MCCC1: variants seen among roughly 807,000 people sequenced by gnomAD.
MCCC1 encodes the protein methylcrotonoyl-CoA carboxylase subunit alpha, mitochondrial.
In MCCC1, 64 loss-of-function variants were observed where a neutral mutation model predicts 83.8. The observed-to-expected ratio is 0.76, with a 90% CI of 0.62 to 0.94. MCCC1 has a LOEUF of 0.94. Ranked by LOEUF, MCCC1 falls within the 40% of genes least tolerant of loss-of-function variation. The pLI, the probability that MCCC1 is intolerant of heterozygous loss-of-function variation, is 0.00. For synonymous variants in MCCC1, 322 were observed against 315.4 expected (o/e 1.02, Z -0.22); for missense variants, 807 against 904.7 (o/e 0.89, Z 1.39).
chr3:183,028,452 T>G (rs545120202), intron 14 of MCCC1, among the ~76,000 whole-genome samples: 4 of 152,196 alleles, frequency 2.6e-5, no homozygotes, highest in African/African-American at 9.7e-5. Flanking sequence ...TTTCAAGTCT[T>G]ATTAAGAAAT....
At chr3:183,077,907 C>T (rs1454408986) in intron 4 of MCCC1, among the ~76,000 whole-genome samples, 2 of 152,086 alleles carry the variant, frequency 1.3e-5, no homozygotes, top group Admixed American at 1.3e-4. Context: ...ACTTTAGCAC[C>T]TTTATTCAAA....
chr3:183,059,504 T>C (rs1478233568), intron 7 of MCCC1, among the ~76,000 whole-genome samples: 2 of 152,226 alleles, frequency 1.3e-5, no homozygotes, highest in Non-Finnish European at 2.9e-5. Context: ...GCCATTATTT[T>C]AAACAAACTG....
At position 183,064,734 on chromosome 3, in the gene MCCC1, C is replaced by A. The variant is rs1419758166; in HGVS notation, c.761+6265G>T. 6.6e-6 allele frequency among the ~76,000 whole-genome samples: 1 copy of A among 152,218 alleles called. No individual in the cohort carries two copies. On this transcript the variant is annotated intron_variant, in intron 7 of 18. Coordinates refer to ENST00000265594, the MANE Select transcript of MCCC1 (RefSeq NM_020166.5). The surrounding 1 kb of genome is among the most constrained non-coding windows in gnomAD (Gnocchi z 4.5). Reference sequence around the variant, plus strand: ...GCAGGCTGTTCGCGGGCAGCCGGCTCCGTGGACAGCAGGGCGAAGCGGGTA... The same window carrying A: ...GCAGGCTGTTCGCGGGCAGCCGGCTACGTGGACAGCAGGGCGAAGCGGGTA...
At chr3:183,083,169 C>CT (rs1321988203) in intron 4 of MCCC1, among the ~76,000 whole-genome samples, 4 of 152,174 alleles carry the variant, frequency 2.6e-5, no homozygotes, top group African/African-American at 9.7e-5. Context: ...TCTTTCAAAT[C>CT]ACTATACAAG....
chr3:183,104,750 T>TA (rs1719380117), intron 1 of MCCC1, among the ~76,000 whole-genome samples: 1 of 152,178 alleles, frequency 6.6e-6, no homozygotes, highest in South Asian at 2.1e-4. Flanking sequence ...ACAATAATAA[T>TA]ACACCATACT....
At chr3:183,104,161 C>T (rs952544833), upstream of MCCC1, among the ~76,000 whole-genome samples, 1 of 152,260 alleles carries the variant, frequency 6.6e-6, no homozygotes, top group Non-Finnish European at 1.5e-5. Flanking sequence ...AGGGAGCCAG[C>T]TCCGGCCTTG....
At chr3:183,076,543 G>A (rs564548140) in intron 4 of MCCC1, among the ~76,000 whole-genome samples, 1 of 152,218 alleles carries the variant, frequency 6.6e-6, no homozygotes, top group South Asian at 2.1e-4. Context: ...GAGTGCAATT[G>A]TTTGGTCCTA....
upstream of MCCC1, among the ~76,000 whole-genome samples, chr3:183,101,845 A>C (rs1002944398): frequency 6.6e-6 from 1 of 152,060 alleles, no homozygotes; most frequent in Non-Finnish European, 1.5e-5. Context: ...GAGCCCAGCG[A>C]GACCACGAGC....
Position 183,020,228 on chromosome 3 carries a change from T to C in MCCC1, c.1879A>G (p.Ile627Val). Residue 627 changes from isoleucine (I) to valine (V), a missense_variant, in exon 17 of 19, where the codon ATT (isoleucine) becomes GTT (valine). By Grantham distance (29) the Ile-to-Val change is conservative. Transcript: ENST00000265594. ...TIYLFSKEGSIEIDIPVPKYL... is the reference protein window; with the variant it reads ...TIYLFSKEGSVEIDIPVPKYL... Reference sequence around the variant, plus strand: ...TTGGGGACTGGAATGTCAATCTCAATACTTCCTTCCTAGAAACAGAAAACA... The same window carrying C: ...TTGGGGACTGGAATGTCAATCTCAACACTTCCTTCCTAGAAACAGAAAACA... The C allele has an allele frequency of 6.2e-7, 1 of 1,613,270 alleles. No homozygotes were observed. Among genetic ancestry groups the C allele is most frequent in the South Asian group, 1.1e-5 (1 of 91,060 alleles).
At chr3:183,078,702 G>A (rs1717263949) in intron 4 of MCCC1, among the ~76,000 whole-genome samples, 1 of 152,150 alleles carries the variant, frequency 6.6e-6, no homozygotes, top group African/African-American at 2.4e-5. Context: ...AACAGATTCT[G>A]AATTTGATGG....
At chr3:183,036,506 A>G (rs1713601518) in intron 13 of MCCC1, among the ~76,000 whole-genome samples, 1 of 151,458 alleles carries the variant, frequency 6.6e-6, no homozygotes, top group Non-Finnish European at 1.5e-5. Flanking sequence ...TGTGGGGAGA[A>G]CAAGTGTTTG....
chr3:183,072,442 C>G lies in MCCC1; in HGVS notation c.415G>C (p.Ala139Pro). The G allele has an allele frequency of 1.2e-6, 2 of 1,613,896 alleles. No individual in the cohort carries two copies. The highest frequency in any genetic ancestry group is 1.7e-6 in the Non-Finnish European group (2 of 1,179,830). ...ATTCCTTCTTGCTTACAAAGTTCAG[C>G]AAATTCCATGTTTTCTGAGAGAAAA... ...CGFLSENMEF[A>P]ELCKQEGIIF... Residue 139 changes from alanine to proline, a missense_variant, in exon 5 of 19, where the codon GCT (alanine) becomes CCT (proline). Transcript: ENST00000265594.
At chr3:183,053,455 T>G (rs1021705075) in intron 8 of MCCC1, among the ~76,000 whole-genome samples, 10 of 152,176 alleles carry the variant, frequency 6.6e-5, no homozygotes, top group Admixed American at 3.3e-4. Context: ...GCCACTGCAC[T>G]CTAGCCTGGG....
At chr3:183,092,667 C>G (rs1052528974) in intron 2 of MCCC1, 122 bp from the exon 3 acceptor site, 11 of 1,271,410 alleles carry the variant, frequency 8.7e-6, no homozygotes, top group Admixed American at 4.1e-5. Context: ...TTTGGTAAAA[C>G]TAGCATAACT....
chr3:183,026,171 T>C (rs1273476591), intron 14 of MCCC1, among the ~76,000 whole-genome samples: 1 of 152,110 alleles, frequency 6.6e-6, no homozygotes, highest in Non-Finnish European at 1.5e-5. Context: ...GCCTCCCAAG[T>C]AGCTGGGACT....
intron 14 of MCCC1, among the ~76,000 whole-genome samples, chr3:183,026,826 G>C (rs1279295695): frequency 6.6e-6 from 1 of 152,160 alleles, no homozygotes; most frequent in African/African-American, 2.4e-5. Context: ...GATTTTCTGA[G>C]CCATTAAATG....
intron 7 of MCCC1, among the ~76,000 whole-genome samples, chr3:183,061,773 A>T (rs112467671): frequency 6.6e-6 from 1 of 152,126 alleles, no homozygotes; most frequent in Non-Finnish European, 1.5e-5. Flanking sequence ...TTTGGATATG[A>T]CTGATAACTT....
chr3:183,050,001 T>C (rs2108493391), intron 9 of MCCC1, among the ~76,000 whole-genome samples: 1 of 152,232 alleles, frequency 6.6e-6, no homozygotes, highest in Non-Finnish European at 1.5e-5. Flanking sequence ...ATGCCTGTAG[T>C]TCCAGCTACT....
At chr3:183,032,111 G>C (rs1713132123) in intron 14 of MCCC1, among the ~76,000 whole-genome samples, 1 of 152,156 alleles carries the variant, frequency 6.6e-6, no homozygotes, top group African/African-American at 2.4e-5. Context: ...ACTGCCAAAA[G>C]GGTGTAGTGA....
Sources: gnomAD v4.1 joint callset for allele counts (sites outside exome capture counted in the v4.1 genomes callset) on GRCh38, gnomAD v4.1.1 for gene constraint, Gnocchi (gnomAD v3.1) non-coding constraint, MANE v1.5 for transcripts, NCBI Gene and HGNC (gene_info 2026-07-23, HGNC 2026-07-21) for gene names.